SGCD: variants seen among roughly 807,000 people sequenced by gnomAD.
The protein encoded by SGCD is delta-sarcoglycan.
In SGCD, 18 loss-of-function variants were observed where a neutral mutation model predicts 36.6. The observed-to-expected ratio is 0.49, with a 90% CI of 0.34 to 0.73. SGCD has a LOEUF of 0.73. Among genes scored for constraint, SGCD ranks in the 30% least tolerant of loss-of-function variants. The pLI, the probability that SGCD is intolerant of heterozygous loss-of-function variation, is 0.01. For missense variants in SGCD, 387 were observed against 346.7 expected (o/e 1.12, Z -0.92); for synonymous variants, 133 against 130.6 (o/e 1.02, Z -0.12).
chr5:156,584,613 A>G (rs549072621), intron 4 of SGCD, among the ~76,000 whole-genome samples: 2 of 151,974 alleles, frequency 1.3e-5, no homozygotes, highest in South Asian at 4.1e-4. Flanking sequence ...TTTGAGTAAT[A>G]ATGTGTGCTC....
At chr5:155,838,596 G>A in the SGCD span, among the ~76,000 whole-genome samples, 2 of 152,010 alleles carry the variant, frequency 1.3e-5, no homozygotes, top group South Asian at 2.1e-4. Flanking sequence ...GAGAATCCAC[G>A]AGATCAAGAC....
chr5:156,350,035 G>T (rs902171881), intron 3 of SGCD, among the ~76,000 whole-genome samples: 1 of 151,626 alleles, frequency 6.6e-6, no homozygotes, highest in African/African-American at 2.4e-5. Flanking sequence ...TAAGCTAAGG[G>T]TATGCACAGG....
At position 156,674,911 on chromosome 5, in the gene SGCD, G is replaced by T. The variant is rs1753447231; in HGVS notation, c.575+27375G>T. 2.6e-5 allele frequency among the ~76,000 whole-genome samples: 4 copies of T among 152,312 alleles called. No individual in the cohort carries two copies. The South Asian group carries it at 8.3e-4, about 32-fold the overall frequency. ...CTAAGAATTTCCTAAAGCAGAATGG[G>T]ACGCAGTGACTTCATTCCCATTGTA... On this transcript the variant is annotated intron_variant, in intron 7 of 8. Coordinates refer to ENST00000337851, the MANE Select transcript of SGCD (RefSeq NM_000337.6).
chr5:155,815,361 G>C, the SGCD span, among the ~76,000 whole-genome samples: 1 of 152,038 alleles, frequency 6.6e-6, no homozygotes, highest in African/African-American at 2.4e-5. Context: ...GTGGAATATT[G>C]GTCAGACAAT....
At chr5:155,968,726 T>G (rs887179359) in intron 1 of SGCD, among the ~76,000 whole-genome samples, 1 of 151,956 alleles carries the variant, frequency 6.6e-6, no homozygotes, top group Non-Finnish European at 1.5e-5. Context: ...CATACATTCT[T>G]CTTACGAAAC....
At chr5:155,909,526 G>T (rs1756588960) in intron 1 of SGCD, among the ~76,000 whole-genome samples, 1 of 152,110 alleles carries the variant, frequency 6.6e-6, no homozygotes, top group African/African-American at 2.4e-5. Context: ...CAGATCACCA[G>T]AATGCCACTT....
At position 156,508,672 on chromosome 5, in the gene SGCD, T is replaced by A. The variant is rs201071631; in HGVS notation, c.264T>A (p.Pro88=). ...KLEGDSEFLQ[P]LYAKEIQSRP... ...AAGGAGACTCTGAATTCTTACAACC[T>A]CTCTACGCCAAAGAAATCCAGTCCC... The change falls in exon 4 of 9, where the codon CCT becomes CCA. Residue 88 remains proline, a synonymous_variant. Transcript: ENST00000337851. 1 of 1,608,778 alleles carries A rather than the reference T, an allele frequency of 6.2e-7. No individual in the cohort carries two copies. Among genetic ancestry groups the A allele is most frequent in the African/African-American group, 1.3e-5 (1 of 74,840 alleles).
At chr5:156,315,044 A>AT (rs1465947206) in intron 3 of SGCD, among the ~76,000 whole-genome samples, 2 of 151,950 alleles carry the variant, frequency 1.3e-5, no homozygotes, top group African/African-American at 2.4e-5. Flanking sequence ...CATAGTTACC[A>AT]TTTTTTCTGT....
chr5:156,349,885 TACATAC>T (rs930545051), intron 3 of SGCD, among the ~76,000 whole-genome samples: 3 of 152,026 alleles, frequency 2.0e-5, no homozygotes, highest in Non-Finnish European at 2.9e-5. Context: ...AAATGTGATA[TACATAC>T]ACCATCAGCC....
intron 1 of SGCD, among the ~76,000 whole-genome samples, chr5:155,939,956 C>T (rs75217931): frequency 0.14 from 21,805 of 151,546 alleles, 2,344 homozygotes; most frequent in Admixed American, 0.36. Context: ...ACCTCAGCCT[C>T]CTAAGTAGCT....
At chr5:155,782,006 T>C in the SGCD span, among the ~76,000 whole-genome samples, 5 of 148,544 alleles carry the variant, frequency 3.4e-5, no homozygotes, top group Non-Finnish European at 5.9e-5. Flanking sequence ...ATCACAGCCA[T>C]ACTTTTTCAT....
intron 1 of SGCD, among the ~76,000 whole-genome samples, chr5:155,930,690 GA>G (rs1237146362): frequency 6.6e-6 from 1 of 152,134 alleles, no homozygotes; most frequent in Non-Finnish European, 1.5e-5. Context: ...ATGATAGTCT[GA>G]AATTAACACT....
the SGCD span, among the ~76,000 whole-genome samples, chr5:155,730,054 G>T: frequency 1.3e-5 from 2 of 152,184 alleles, no homozygotes; most frequent in East Asian, 3.9e-4. Flanking sequence ...ATACACAAGG[G>T]CAGGTATGGG....
At chr5:155,876,035 GTTTTATTT>G in intron 1 of SGCD, among the ~76,000 whole-genome samples, 1 of 150,222 alleles carries the variant, frequency 6.7e-6, no homozygotes. Context: ...TGGTCCTCTT[GTTTTATTT>G]TTTTATTTAT....
intron 3 of SGCD, among the ~76,000 whole-genome samples, chr5:156,251,415 C>T (rs1281408665): frequency 6.6e-6 from 1 of 152,140 alleles, no homozygotes; most frequent in Non-Finnish European, 1.5e-5. Context: ...TCTTTCCAGA[C>T]CCTTTCCTGT....
At chr5:156,568,556 T>C (rs1759589974) in intron 4 of SGCD, among the ~76,000 whole-genome samples, 1 of 152,216 alleles carries the variant, frequency 6.6e-6, no homozygotes, top group South Asian at 2.1e-4. Flanking sequence ...GATGTCCTAG[T>C]GACTGGCTAG....
intron 4 of SGCD, among the ~76,000 whole-genome samples, chr5:156,573,381 C>T (rs547759018): frequency 7.2e-5 from 11 of 152,318 alleles, no homozygotes; most frequent in African/African-American, 2.2e-4. Flanking sequence ...TGAATACCCT[C>T]ATTTTTGCCT....
chr5:156,133,204 G>A (rs879889638), intron 3 of SGCD, among the ~76,000 whole-genome samples: 1 of 152,164 alleles, frequency 6.6e-6, no homozygotes, highest in Non-Finnish European at 1.5e-5. Flanking sequence ...AGCATTCTTT[G>A]AGCATGTGTG....
At chr5:156,411,663 T>C (rs542230607) in intron 3 of SGCD, among the ~76,000 whole-genome samples, 1 of 152,296 alleles carries the variant, frequency 6.6e-6, no homozygotes, top group South Asian at 2.1e-4. Context: ...ATAAACAGTA[T>C]GAAAAGACAC....
Sources: allele counts gnomAD v4.1 joint callset (sites outside exome capture counted in the v4.1 genomes callset), GRCh38; gene constraint gnomAD v4.1.1; transcripts MANE v1.5; gene names NCBI Gene and HGNC (gene_info 2026-07-23, HGNC 2026-07-21).